The following SEPTIN6 variants were observed in gnomAD, a reference collection of about 807,000 sequenced individuals.
SEPTIN6 encodes septin 6.
Under a neutral mutation model 33.6 loss-of-function variants are expected in SEPTIN6, and 8 were observed. The ratio of observed to expected loss-of-function variants is 0.24; its 90% CI spans 0.14 to 0.43. The LOEUF is 0.43. Ranked by LOEUF, SEPTIN6 falls within the 20% of genes least tolerant of loss-of-function variation. SEPTIN6 has a pLI of 1.00. For missense variants in SEPTIN6, 250 were observed against 340.8 expected, an observed-to-expected ratio of 0.73 and a Z score of 2.10; for synonymous variants, 131 against 140.0, an observed-to-expected ratio of 0.94 and a Z score of 0.45.
At chrX:119,638,247 A>T (rs1055723479) in intron 6 of SEPTIN6, among the ~76,000 whole-genome samples, 11 of 111,582 alleles carry the variant, frequency 9.9e-5, no homozygotes, top group African/African-American at 3.6e-4. Flanking sequence ...GGTGACTAGG[A>T]GCAAGGGGAC....
At chrX:119,668,186 C>T (rs758482553) in intron 2 of SEPTIN6, among the ~76,000 whole-genome samples, 1 of 110,014 alleles carries the variant, frequency 9.1e-6, no homozygotes, top group Non-Finnish European at 1.9e-5. Context: ...ATCCCAGCTA[C>T]TCAGGAGGCT....
At chrX:119,642,422 G>C (rs763914792) in intron 5 of SEPTIN6, among the ~76,000 whole-genome samples, 2 of 110,647 alleles carry the variant, frequency 1.8e-5, no homozygotes, top group East Asian at 2.8e-4. Flanking sequence ...TGCCTTATTA[G>C]TCTCCTCTTT....
chrX:119,651,428 T>C (rs931380037), intron 4 of SEPTIN6, among the ~76,000 whole-genome samples: 2 of 111,962 alleles, frequency 1.8e-5, no homozygotes, highest in Non-Finnish European at 3.8e-5. Context: ...ATCCAAGCAC[T>C]TTGGGAGGCC....
At position 119,629,438 on chromosome X, in the gene SEPTIN6, T is replaced by G. The variant is rs770285776; in HGVS notation, c.1160A>C (p.Lys387Thr). Reference protein sequence around the residue: ...DEKKKLEDKKKSLDDEVNAFK... With the variant: ...DEKKKLEDKKTSLDDEVNAFK... ...AGCATTCACTTCATCATCCAGGGAT[T>G]TCTTCTTATCCTCCAGTTTCTTCTT... Residue 387 changes from lysine to threonine, a missense_variant, in exon 9 of 11, where the codon AAA becomes ACA. This residue lies in a region of SEPTIN6 where 139 missense variants were observed against 227.0 expected (regional missense o/e 0.61). Transcript: ENST00000394610. The G allele has an allele frequency of 8.3e-7, 1 of 1,211,517 alleles. No homozygotes were observed. Among genetic ancestry groups the G allele is most frequent in the African/African-American group, 1.7e-5 (1 of 57,828 alleles).
chrX:119,692,283 A>C (rs1340362208), intron 1 of SEPTIN6, among the ~76,000 whole-genome samples: 1 of 108,326 alleles, frequency 9.2e-6, no homozygotes, highest in Non-Finnish European at 1.9e-5. Context: ...CCGCTCCAAA[A>C]CATGCCAAAA....
chrX:119,650,106 G>A lies in SEPTIN6; in HGVS notation c.529-8C>T. The A allele has an allele frequency of 7.4e-6, 9 of 1,209,379 alleles. No individual in the cohort carries two copies. The highest frequency in any genetic ancestry group is 1.8e-5 in the South Asian group (1 of 56,949). ...GATGGGGATGATGTTCACCTAGGGA[G>A]AGGAGGGGCAAAGTGGGGTCATTGT... is the stretch of plus-strand genomic sequence containing the variant. On this transcript the variant is annotated splice_polypyrimidine_tract_variant and splice_region_variant and intron_variant, in intron 4 of 10. Coordinates refer to ENST00000394610, the MANE Select transcript of SEPTIN6 (RefSeq NM_145799.4).
chrX:119,637,070 C>T lies in SEPTIN6; in HGVS notation c.913G>A (p.Glu305Lys). Residue 305 changes from glutamate (E) to lysine (K), a missense_variant, in exon 7 of 11, where the codon GAG becomes AAG. Coordinates refer to ENST00000394610, the MANE Select transcript of SEPTIN6 (RefSeq NM_145799.4). ...GGGTCGGTGTCCTTGAAGCCCATCT[C>T]CTCCAGCTTACAGCGGCGATACAGC... ...YELYRRCKLE[E>K]MGFKDTDPDS... The T allele has an allele frequency of 8.3e-7, 1 of 1,211,662 alleles. No individual in the cohort carries two copies. The highest frequency in any genetic ancestry group is 1.8e-5 in the South Asian group (1 of 56,985).
intron 5 of SEPTIN6, among the ~76,000 whole-genome samples, chrX:119,645,585 C>T (rs1041632110): frequency 9.0e-5 from 10 of 111,033 alleles, no homozygotes; most frequent in Admixed American, 5.8e-4. Flanking sequence ...TTAGTAGAGA[C>T]GGGGTTTCTC....
chrX:119,616,904 G>A, downstream of SEPTIN6: 1 of 1,084,800 alleles, frequency 9.2e-7, no homozygotes, highest in Non-Finnish European at 1.2e-6. Context: ...CATCACCACG[G>A]GGAAATCTGC....
At chrX:119,626,216 G>A (rs1246646266) in intron 9 of SEPTIN6, among the ~76,000 whole-genome samples, 1 of 112,256 alleles carries the variant, frequency 8.9e-6, no homozygotes. Flanking sequence ...TTCCTGAAGA[G>A]TAGAGAGGGG....
chrX:119,637,435 A>G (rs1426575774), intron 6 of SEPTIN6, among the ~76,000 whole-genome samples: 3 of 112,493 alleles, frequency 2.7e-5, no homozygotes, highest in African/African-American at 9.7e-5. Flanking sequence ...CAGTAGCACC[A>G]CAATCTAAAT....
chrX:119,686,492 T>G lies in SEPTIN6; in HGVS notation c.30+6584A>C, dbSNP rs1225559305. 5.0e-6 allele frequency: 3 copies of G among 597,869 alleles called. No homozygotes were observed. The African/African-American group carries it at 7.0e-5, about 14-fold the overall frequency. 49.3% of individuals were successfully genotyped at this position (597,869 alleles called of 1,213,427 possible). Reference sequence around the variant, plus strand: ...GTGGAAGGGCCGGCTGAGAGCGCGCTGCATAATTCAGCAGATGGCTGCCTC... The same window carrying G: ...GTGGAAGGGCCGGCTGAGAGCGCGCGGCATAATTCAGCAGATGGCTGCCTC... On this transcript the variant is annotated intron_variant, in intron 1 of 10. Transcript: ENST00000394610.
chrX:119,645,485 T>C (rs1251563327), intron 5 of SEPTIN6, among the ~76,000 whole-genome samples: 1 of 106,967 alleles, frequency 9.3e-6, no homozygotes, highest in African/African-American at 3.4e-5. Flanking sequence ...ACAACCTCCG[T>C]CTCCTGGGTT....
chrX:119,673,593 G>A (rs1003838741), intron 2 of SEPTIN6, among the ~76,000 whole-genome samples: 1 of 110,533 alleles, frequency 9.0e-6, no homozygotes, highest in African/African-American at 3.3e-5. Flanking sequence ...TAGGCTGGGC[G>A]CGGTGGCTCA....
At chrX:119,644,808 A>G (rs75435631) in intron 5 of SEPTIN6, among the ~76,000 whole-genome samples, 22,344 of 107,701 alleles carry the variant, frequency 0.21, 1,805 homozygotes, top group Middle Eastern at 0.23. Context: ...CCAAGATCGC[A>G]CCACTGCACT....
chrX:119,623,697 G>T (rs978370333), intron 10 of SEPTIN6, among the ~76,000 whole-genome samples: 4 of 111,746 alleles, frequency 3.6e-5, no homozygotes, highest in Non-Finnish European at 7.5e-5. Context: ...AAATTAGCCA[G>T]GAATGGTGGC....
intron 2 of SEPTIN6, among the ~76,000 whole-genome samples, chrX:119,671,240 G>A (rs1292022905): frequency 9.1e-6 from 1 of 110,110 alleles, no homozygotes; most frequent in African/African-American, 3.3e-5. Flanking sequence ...GAGCCCAGGA[G>A]TTAGGGACCA....
rs1167933112 is a variant in SEPTIN6, at chrX:119,618,959, T to C, written c.*1134A>G. On this transcript the variant is annotated 3_prime_UTR_variant, in exon 11 of 11. Transcript: ENST00000394610. Reference sequence around the variant, plus strand: ...CAAAGCCACTATCAGATGGGACCCATGATAAAAACTTAGGGCTGGAATATT... The same window carrying C: ...CAAAGCCACTATCAGATGGGACCCACGATAAAAACTTAGGGCTGGAATATT... 9.2e-6 allele frequency: 9 copies of C among 980,062 alleles called. No individual in the cohort carries two copies. Among genetic ancestry groups the C allele is most frequent in the Non-Finnish European group, 1.2e-5 (9 of 775,429 alleles). 80.8% of individuals were successfully genotyped at this position (980,062 alleles called of 1,213,427 possible). A position where few individuals can be genotyped will look rare whatever the true frequency, so the allele number is the denominator to read the frequency against.
intron 7 of SEPTIN6, among the ~76,000 whole-genome samples, chrX:119,635,827 G>A (rs190287318): frequency 2.7e-5 from 3 of 111,699 alleles, no homozygotes; most frequent in Admixed American, 1.9e-4. Flanking sequence ...CAGGACAGAG[G>A]CTGGTAAGAA....
Sources: allele counts gnomAD v4.1 joint callset (sites outside exome capture counted in the v4.1 genomes callset), GRCh38; gene constraint gnomAD v4.1.1; regional missense constraint gnomAD v4.1.1; transcripts MANE v1.5; gene names NCBI Gene and HGNC (gene_info 2026-07-23, HGNC 2026-07-21).